The following NOTCH3 variants were observed in gnomAD, a reference collection of about 807,000 sequenced individuals.
NOTCH3 encodes neurogenic locus notch homolog protein 3.
In NOTCH3, 86 loss-of-function variants were observed where a neutral mutation model predicts 213.3. The ratio of observed to expected loss-of-function variants is 0.40; its 90% CI spans 0.34 to 0.48. The LOEUF (loss-of-function observed/expected upper bound fraction) is 0.48, where lower values mean the gene tolerates loss of function less well. NOTCH3 is among the 20% of genes least tolerant of loss of function. The probability of loss-of-function intolerance (pLI) is 0.57; values close to 1 mark genes in which losing one functional copy is unlikely to be tolerated. For synonymous variants in NOTCH3, 1,354 were observed against 1,355.9 expected (o/e 1.00, Z 0.03); for missense variants, 2,783 against 3,272.6 (o/e 0.85, Z 3.65).
intron 2 of NOTCH3, among the ~76,000 whole-genome samples, chr19:15,194,121 C>T (rs1416133197): frequency 1.3e-5 from 2 of 151,856 alleles, no homozygotes; most frequent in African/African-American, 4.8e-5. Context: ...TGGTGGCTCA[C>T]ACCTGTAGTC....
chr19:15,161,226 TGCAGTG>T lies in NOTCH3; in HGVS notation c.6396_6401del (p.Thr2133_Ala2134del), dbSNP rs2145381572. On this transcript the variant is annotated inframe_deletion, in exon 33 of 33. Coordinates refer to ENST00000263388, the MANE Select transcript of NOTCH3 (RefSeq NM_000435.3). ...GGCCACCAAGCTGTGCCAGAGACAC[TGCAGTG>T]GCAGTGGCAGCTGCATAGGGCCCCT... 6.5e-7 allele frequency: 1 copy of T among 1,547,172 alleles called. No homozygotes were observed.
In NOTCH3 at chr19:15,173,066, T is replaced by TCTTCC. The variant is rs1568351252; in HGVS notation, c.4736+1001_4736+1002insGGAAG. Among the ~76,000 whole-genome samples, 6 of 5,158 alleles carry TCTTCC rather than the reference T, an allele frequency of 1.2e-3. No homozygotes were observed. The African/African-American group carries it at 0.012, about 10-fold the overall frequency. 3.4% of individuals were successfully genotyped at this position (5,158 alleles called of 152,430 possible). A position where few individuals can be genotyped will look rare whatever the true frequency, so the allele number is the denominator to read the frequency against. On this transcript the variant is annotated intron_variant, in intron 25 of 32. Transcript: ENST00000263388. ...CCCTCCCTCCTCCCTCTTCTTCTTC[T>TCTTCC]TCTTCTTCTTCTTCTTCTTCTTCTT...
At chr19:15,177,157 G>A (rs1332779848) in intron 24 of NOTCH3, among the ~76,000 whole-genome samples, 1 of 151,392 alleles carries the variant, frequency 6.6e-6, no homozygotes, top group African/African-American at 2.4e-5. Flanking sequence ...GCTGAGGCAG[G>A]AGTACTGCTT....
Position 15,161,538 on chromosome 19 carries a change from G to A in NOTCH3, c.6090C>T (p.Pro2030=), listed in dbSNP as rs772296803. 6.2e-7 allele frequency: 1 copy of A among 1,604,798 alleles called. No individual in the cohort carries two copies. The change falls in exon 33 of 33, where the codon CCC becomes CCT. Residue 2030 remains proline (P), a synonymous_variant. Coordinates refer to ENST00000263388, the MANE Select transcript of NOTCH3 (RefSeq NM_000435.3). ...IVRLLDQPSG[P]RSPPGPHGLG... ...GGCCGTGGGGACCGGGGGGGCTGCG[G>A]GGCCCACTGGGTTGATCCAGCAAGC...
intron 7 of NOTCH3, 33 bp downstream of exon 7, chr19:15,189,240 C>G: frequency 6.2e-7 from 1 of 1,613,854 alleles, no homozygotes; most frequent in Non-Finnish European, 8.5e-7. Context: ...CCCTCTTTCC[C>G]AGCCCATTCA....
At chr19:15,180,915 G>C (rs2145422441) in intron 18 of NOTCH3, 46 bp downstream of exon 18, 2 of 1,586,266 alleles carry the variant, frequency 1.3e-6, no homozygotes, top group South Asian at 1.1e-5. Context: ...TCCCTCCTAG[G>C]ATCCCAGGCA....
At chr19:15,178,741 ATCC>A in intron 23 of NOTCH3, 79 bp downstream of exon 23, 1 of 1,001,142 alleles carries the variant, frequency 1.0e-6, no homozygotes. Context: ...CTAAAGCCAC[ATCC>A]TCCTCCTAGA....
chr19:15,173,081 T>C (rs911865687), intron 25 of NOTCH3, among the ~76,000 whole-genome samples: 1,002 of 11,380 alleles, frequency 0.088, 264 homozygotes, highest in East Asian at 0.39. Flanking sequence ...CTTCTTCTTC[T>C]TCTTCTTCTT....
In NOTCH3 at chr19:15,159,093, T is replaced by A. The variant is rs2366544; in HGVS notation, c.*1569A>T. The A allele has an allele frequency of 0.7, 105,977 of 152,050 alleles. 37,536 individuals are homozygous for A. Among genetic ancestry groups the A allele is most frequent in the Non-Finnish European group, 0.77 (52,519 of 67,998 alleles). The allele number at this position is 152,050 out of a possible 1,614,324, so 9.4% of individuals were successfully genotyped here. A position where few individuals can be genotyped will look rare whatever the true frequency, so the allele number is the denominator to read the frequency against. On this transcript the variant is annotated 3_prime_UTR_variant, in exon 33 of 33. Transcript: ENST00000263388. Reference sequence around the variant, plus strand: ...GGTCCAAGGTTATCTCCAAAACCCATAGGAGCATGAAGTAAAAGTGAAATT... The same window carrying A: ...GGTCCAAGGTTATCTCCAAAACCCAAAGGAGCATGAAGTAAAAGTGAAATT...
intron 2 of NOTCH3, among the ~76,000 whole-genome samples, chr19:15,195,546 GCTGA>G (rs1016124507): frequency 9.2e-5 from 14 of 151,762 alleles, no homozygotes; most frequent in African/African-American, 3.4e-4. Context: ...TCAACAAGCG[GCTGA>G]CTCAGTCCTT....
Position 15,185,742 on chromosome 19 carries a change from G to T in NOTCH3, c.1952-63C>A. On this transcript the variant is annotated intron_variant, in intron 12 of 32. Transcript: ENST00000263388. This position sits in a 1 kb window ranked among gnomAD's most constrained non-coding sequence, Gnocchi z 4.2. ...TCAGCAGGGACAACCAGGGAGGGAC[G>T]ACGTGACCCCACTTAGCACACCCAC... The T allele has an allele frequency of 1.3e-6, 2 of 1,534,840 alleles. No individual in the cohort carries two copies. Among genetic ancestry groups the T allele is most frequent in the Non-Finnish European group, 1.8e-6 (2 of 1,116,454 alleles).
Position 15,197,577 on chromosome 19 carries a change from G to A in NOTCH3, c.120C>T (p.Ala40=), listed in dbSNP as rs146904189. 111 of 1,611,278 alleles carry A rather than the reference G, an allele frequency of 6.9e-5. No homozygotes were observed. The highest frequency in any genetic ancestry group is 9.2e-5 in the Non-Finnish European group (109 of 1,179,750). Residue 40 remains alanine (A), a splice_region_variant and synonymous_variant, in exon 2 of 33, where the codon GCC becomes GCT. Coordinates refer to ENST00000263388, the MANE Select transcript of NOTCH3 (RefSeq NM_000435.3). ...LLLLAGPGAA[A]PPCLDGSPCA... The stretch of plus-strand genomic sequence containing the variant: ...ACGGGCTTCCGTCCAGGCAAGGGGG[G>A]GCTGTGTGGGGGTGAAGGAAGGTGG...
intron 31 of NOTCH3, among the ~76,000 whole-genome samples, chr19:15,164,920 A>G (rs560655112): frequency 6.2e-4 from 94 of 152,026 alleles, no homozygotes; most frequent in African/African-American, 2.2e-3. Context: ...AGCTAGGGCC[A>G]CAGGTATGCA....
In NOTCH3 at chr19:15,178,073, A is replaced by G. The variant is rs1457167575; in HGVS notation, c.3855T>C (p.Arg1285=). 31 of 1,518,682 alleles carry G rather than the reference A, an allele frequency of 2.0e-5. No individual in the cohort carries two copies. Among genetic ancestry groups the G allele is most frequent in the Non-Finnish European group, 2.6e-5 (30 of 1,138,736 alleles). The allele number at this position is 1,518,682 out of a possible 1,614,324, so 94.1% of individuals were successfully genotyped here. ...CHCAQPFWGP[R]CERVARSCRE... ...GGCAGGAGCGCGCCACCCGCTCGCA[A>G]CGCGGACCCCAGAACGGCTGGGGGT... The change falls in exon 24 of 33, where the codon CGT becomes CGC. Residue 1285 remains arginine (R), a synonymous_variant. Coordinates refer to ENST00000263388, the MANE Select transcript of NOTCH3 (RefSeq NM_000435.3).
intron 2 of NOTCH3, among the ~76,000 whole-genome samples, chr19:15,194,728 G>A (rs372907323): frequency 2.0e-5 from 3 of 152,088 alleles, no homozygotes; most frequent in African/African-American, 7.2e-5. Context: ...GACCGAGGCA[G>A]GTAGATCACC....
intron 31 of NOTCH3, among the ~76,000 whole-genome samples, chr19:15,164,955 A>G (rs2046673784): frequency 6.6e-6 from 1 of 152,140 alleles, no homozygotes; most frequent in African/African-American, 2.4e-5. Context: ...TAATCTTTCA[A>G]AAAACTTTTG....
At position 15,160,208 on chromosome 19, in the gene NOTCH3, T is replaced by TG; in HGVS notation, c.*453dup. 4.2e-6 allele frequency: 1 copy of TG among 240,916 alleles called. No homozygotes were observed. The highest frequency in any genetic ancestry group is 6.0e-5 in the East Asian group (1 of 16,762). 14.9% of individuals were successfully genotyped at this position (240,916 alleles called of 1,614,324 possible). A position where few individuals can be genotyped will look rare whatever the true frequency, so the allele number is the denominator to read the frequency against. Reference sequence around the variant, plus strand: ...CACAGACTCAGCCCCACGGGGGCACTGGGGGGTTCACAGGGGGAGGGAGCA... The same window carrying TG: ...CACAGACTCAGCCCCACGGGGGCACTGGGGGGGTTCACAGGGGGAGGGAGCA... On this transcript the variant is annotated 3_prime_UTR_variant, in exon 33 of 33. Transcript: ENST00000263388.
Position 15,185,078 on chromosome 19 carries a change from C to G in NOTCH3, c.2297-59G>C. ...GCCTTGAGGGACTCCCTGATCCCAT[C>G]TCCCCCCACCTCCCCCAACCCCAGG... On this transcript the variant is annotated intron_variant, in intron 14 of 32. Transcript: ENST00000263388. The surrounding 1 kb of genome is among the most constrained non-coding windows in gnomAD (Gnocchi z 4.2). 8.2e-7 allele frequency: 1 copy of G among 1,214,450 alleles called. No homozygotes were observed. The highest frequency in any genetic ancestry group is 1.2e-6 in the Non-Finnish European group (1 of 865,116). 75.2% of individuals were successfully genotyped at this position (1,214,450 alleles called of 1,614,324 possible).
rs1420072540 is a variant in NOTCH3 at position 15,162,457 on chromosome 19, G to A, written c.5913+8C>T. 6.2e-7 allele frequency: 1 copy of A among 1,608,642 alleles called. No individual in the cohort carries two copies. Among genetic ancestry groups the A allele is most frequent in the South Asian group, 1.1e-5 (1 of 90,956 alleles). On this transcript the variant is annotated splice_region_variant and intron_variant, in intron 32 of 32. Coordinates refer to ENST00000263388, the MANE Select transcript of NOTCH3 (RefSeq NM_000435.3). ...CTGACACCCAGTGGACCAAGGGCTG[G>A]GGCTCACCTTGCTATCCTGCATGTC...
Sources: gnomAD v4.1 joint callset for allele counts (sites outside exome capture counted in the v4.1 genomes callset) on GRCh38, gnomAD v4.1.1 for gene constraint, Gnocchi (gnomAD v3.1) non-coding constraint, MANE v1.5 for transcripts, NCBI Gene and HGNC (gene_info 2026-07-23, HGNC 2026-07-21) for gene names.